The following CNTNAP2 variants were observed in gnomAD, a reference collection of about 807,000 sequenced individuals.
CNTNAP2 encodes contactin associated protein 2.
In CNTNAP2, 98 loss-of-function variants were observed where a neutral mutation model predicts 155.2. The ratio of observed to expected loss-of-function variants is 0.63; its 90% CI spans 0.54 to 0.75. The LOEUF is 0.75. Ranked by LOEUF, CNTNAP2 falls within the 30% of genes least tolerant of loss-of-function variation. The probability of loss-of-function intolerance (pLI) is 0.00; values close to 1 mark genes in which losing one functional copy is unlikely to be tolerated. For missense variants in CNTNAP2, 1,727 were observed against 1,688.1 expected, an observed-to-expected ratio of 1.02 and a Z score of -0.40; for synonymous variants, 651 against 631.2, an observed-to-expected ratio of 1.03 and a Z score of -0.47.
chr7:147,119,636 A>G (rs1421911647), intron 5 of CNTNAP2, among the ~76,000 whole-genome samples: 1 of 152,066 alleles, frequency 6.6e-6, no homozygotes, highest in African/African-American at 2.4e-5. Context: ...TGATTTCATC[A>G]CCATAAAAGA....
At chr7:147,876,329 C>A (rs942520629) in intron 13 of CNTNAP2, among the ~76,000 whole-genome samples, 3 of 151,954 alleles carry the variant, frequency 2.0e-5, no homozygotes, top group Non-Finnish European at 2.9e-5. Context: ...TGCTGCTGTG[C>A]GAAAAGTTTT....
Position 148,059,765 on chromosome 7 carries a change from TTA to T in CNTNAP2, c.2384-58341_2384-58340del, listed in dbSNP as rs920818405. On this transcript the variant is annotated intron_variant, in intron 15 of 23. Coordinates refer to ENST00000361727, the MANE Select transcript of CNTNAP2 (RefSeq NM_014141.6). ...TACTATACATATATTTATATTTAAA[TTA>T]TATATATATATTTAGTAAGGAGGGG... Among the ~76,000 whole-genome samples the T allele has an allele frequency of 4.0e-4, 59 of 148,622 alleles. No individual in the cohort carries two copies. The South Asian group carries it at 5.9e-3, about 15-fold the overall frequency.
intron 1 of CNTNAP2, among the ~76,000 whole-genome samples, chr7:146,327,558 C>A (rs1253623830): frequency 2.6e-5 from 4 of 152,228 alleles, no homozygotes; most frequent in Non-Finnish European, 4.4e-5. Flanking sequence ...TACAGTTCAT[C>A]TAGCAAGCAG....
intron 8 of CNTNAP2, among the ~76,000 whole-genome samples, chr7:147,189,547 T>A (rs964044160): frequency 3.3e-5 from 5 of 152,186 alleles, no homozygotes; most frequent in Admixed American, 3.3e-4. Flanking sequence ...CATTAATATA[T>A]TGTTTATATA....
intron 1 of CNTNAP2, among the ~76,000 whole-genome samples, chr7:146,689,851 C>A (rs1800667355): frequency 6.6e-6 from 1 of 151,908 alleles, no homozygotes. Context: ...TCTTTTCTTT[C>A]TTTTGTAAAA....
intron 15 of CNTNAP2, among the ~76,000 whole-genome samples, chr7:148,096,575 G>C (rs1803977176): frequency 6.6e-6 from 1 of 152,026 alleles, no homozygotes; most frequent in Admixed American, 6.6e-5. Context: ...ATAAAGGTTT[G>C]GTTGATGAAT....
chr7:147,695,026 A>T (rs2116996881), intron 13 of CNTNAP2, among the ~76,000 whole-genome samples: 2 of 152,254 alleles, frequency 1.3e-5, no homozygotes. Context: ...ACATTTTGAT[A>T]AGTTTGGTTT....
chr7:148,080,388 G>A (rs960852012), intron 15 of CNTNAP2, among the ~76,000 whole-genome samples: 3 of 151,892 alleles, frequency 2.0e-5, no homozygotes, highest in South Asian at 2.1e-4. Context: ...GGCGGATCAC[G>A]AGGTCAGGAG....
At chr7:146,451,853 T>TATATATATATACG (rs1306006293) in intron 1 of CNTNAP2, among the ~76,000 whole-genome samples, 5 of 132,990 alleles carry the variant, frequency 3.8e-5, no homozygotes, top group African/African-American at 1.5e-4. Context: ...TATACACGTA[T>TATATATATATACG]TCTATATATA....
At chr7:146,986,400 T>C (rs750838625) in intron 3 of CNTNAP2, among the ~76,000 whole-genome samples, 9 of 152,084 alleles carry the variant, frequency 5.9e-5, no homozygotes, top group Non-Finnish European at 1.0e-4. Context: ...TATCCACTCA[T>C]TGATTAATGG....
chr7:146,270,281 C>G (rs188225579), intron 1 of CNTNAP2, among the ~76,000 whole-genome samples: 20 of 152,242 alleles, frequency 1.3e-4, no homozygotes, highest in African/African-American at 4.6e-4. Context: ...ATTAATGATT[C>G]TTGTCCGTAA....
intron 1 of CNTNAP2, among the ~76,000 whole-genome samples, chr7:146,294,324 C>A (rs1005079459): frequency 6.6e-6 from 1 of 152,126 alleles, no homozygotes; most frequent in African/African-American, 2.4e-5. Context: ...CCGGACTGCG[C>A]AAAGGACTGA....
intron 8 of CNTNAP2, among the ~76,000 whole-genome samples, chr7:147,250,238 T>C (rs1159823974): frequency 2.0e-5 from 3 of 151,622 alleles, no homozygotes; most frequent in Non-Finnish European, 4.4e-5. Context: ...GAAGAGGGGG[T>C]GGTGGATTTG....
chr7:146,725,044 C>T (rs181231296), intron 1 of CNTNAP2, among the ~76,000 whole-genome samples: 69 of 152,190 alleles, frequency 4.5e-4, no homozygotes, highest in Admixed American at 1.6e-3. Flanking sequence ...ACTCTGTTCC[C>T]GGCCTTTCTC....
intron 16 of CNTNAP2, among the ~76,000 whole-genome samples, chr7:148,123,354 G>A (rs936212897): frequency 5.3e-5 from 8 of 152,164 alleles, no homozygotes; most frequent in African/African-American, 1.9e-4. Flanking sequence ...TTAGGAGGCT[G>A]AAGGGGGAGT....
intron 2 of CNTNAP2, among the ~76,000 whole-genome samples, chr7:146,819,432 A>C (rs1038927619): frequency 1.3e-5 from 2 of 152,134 alleles, no homozygotes; most frequent in African/African-American, 4.8e-5. Flanking sequence ...CTCCTTGGCT[A>C]CCACAATGCC....
intron 15 of CNTNAP2, among the ~76,000 whole-genome samples, chr7:147,983,722 G>T (rs1318206167): frequency 2.0e-5 from 3 of 152,222 alleles, no homozygotes; most frequent in Non-Finnish European, 4.4e-5. Context: ...TTGGTTAAAA[G>T]AGTTAAGTTA....
At chr7:147,892,361 G>A (rs897996966) in intron 13 of CNTNAP2, among the ~76,000 whole-genome samples, 12 of 152,278 alleles carry the variant, frequency 7.9e-5, no homozygotes, top group African/African-American at 2.6e-4. Flanking sequence ...AAAAGAATAA[G>A]AGAAACAAAA....
chr7:147,761,070 A>G (rs1361386260), intron 13 of CNTNAP2, among the ~76,000 whole-genome samples: 2 of 152,186 alleles, frequency 1.3e-5, no homozygotes, highest in African/African-American at 4.8e-5. Flanking sequence ...TGAGATTCCC[A>G]AAGAATGAAA....
Sources: allele counts gnomAD v4.1 joint callset (sites outside exome capture counted in the v4.1 genomes callset), GRCh38; gene constraint gnomAD v4.1.1; transcripts MANE v1.5; gene names NCBI Gene and HGNC (gene_info 2026-07-23, HGNC 2026-07-21).